SEMA5A: variants seen among roughly 807,000 people sequenced by gnomAD.
SEMA5A encodes the protein semaphorin 5A.
SEMA5A carries 55 observed loss-of-function variants against 135.5 expected under a neutral mutation model. That is an observed-to-expected ratio of 0.41 (90% CI 0.33 to 0.51). The LOEUF (loss-of-function observed/expected upper bound fraction) is 0.51, where lower values mean the gene tolerates loss of function less well. SEMA5A is among the 20% of genes least tolerant of loss of function. The pLI is 0.37. For synonymous variants in SEMA5A, 580 were observed against 546.5 expected (o/e 1.06, Z -0.85); for missense variants, 1,290 against 1,419.9 (o/e 0.91, Z 1.47).
chr5:9,356,876 T>G (rs951444094), intron 3 of SEMA5A, among the ~76,000 whole-genome samples: 4 of 152,172 alleles, frequency 2.6e-5, no homozygotes, highest in Admixed American at 1.3e-4. Flanking sequence ...TGTTGCTAGC[T>G]TTGTCTCTTC....
At position 9,328,567 on chromosome 5, in the gene SEMA5A, T is replaced by C. The variant is rs1752978671; in HGVS notation, c.224+9146A>G. 2.6e-5 allele frequency among the ~76,000 whole-genome samples: 4 copies of C among 152,032 alleles called. No individual in the cohort carries two copies. In the South Asian group the frequency reaches 8.3e-4, roughly 32 times the overall value. ...GCCAAGGTGGGTGGATCACTTGAGG[T>C]CAGGAGTTCGAGACCAGCCTGGCCA... On this transcript the variant is annotated intron_variant, in intron 4 of 22. Transcript: ENST00000382496.
intron 6 of SEMA5A, among the ~76,000 whole-genome samples, chr5:9,234,979 A>C (rs983418945): frequency 2.6e-5 from 4 of 152,194 alleles, no homozygotes; most frequent in East Asian, 1.9e-4. Context: ...TAAGCACCAA[A>C]CAACCAATGA....
intron 1 of SEMA5A, among the ~76,000 whole-genome samples, chr5:9,526,805 T>A (rs1737149083): frequency 6.6e-6 from 1 of 152,138 alleles, no homozygotes; most frequent in African/African-American, 2.4e-5. Flanking sequence ...ACTCAAGAAC[T>A]GGGAAAGCTA....
At chr5:9,503,566 A>C (rs1579646209) in intron 1 of SEMA5A, among the ~76,000 whole-genome samples, 1 of 152,346 alleles carries the variant, frequency 6.6e-6, no homozygotes, top group South Asian at 2.1e-4. Context: ...AATGGTTTCA[A>C]CTTCACATGG....
rs1011385196 is a variant in SEMA5A, at chr5:9,041,580, C to T, written c.*1317G>A. On this transcript the variant is annotated 3_prime_UTR_variant, in exon 23 of 23. Transcript: ENST00000382496. ...ACCACAGGGATCCCAAAAACCCTTA[C>T]TTCCAGCTATCCTGACTTCCCAAGG... is the stretch of plus-strand genomic sequence containing the variant. 6.6e-6 allele frequency: 1 copy of T among 152,270 alleles called. No homozygotes were observed. The highest frequency in any genetic ancestry group is 1.5e-5 in the Non-Finnish European group (1 of 68,076). The allele number at this position is 152,270 out of a possible 1,614,324, so 9.4% of individuals were successfully genotyped here. A position where few individuals can be genotyped will look rare whatever the true frequency, so the allele number is the denominator to read the frequency against.
At chr5:9,344,779 T>C (rs1181056886) in intron 3 of SEMA5A, among the ~76,000 whole-genome samples, 2 of 152,210 alleles carry the variant, frequency 1.3e-5, no homozygotes, top group African/African-American at 4.8e-5. Context: ...ATTTTTTATC[T>C]CCAAATATAT....
At chr5:9,108,892 T>TTAC (rs35742847) in intron 15 of SEMA5A, among the ~76,000 whole-genome samples, 17,535 of 152,026 alleles carry the variant, frequency 0.12, 1,531 homozygotes, top group East Asian at 0.32. Context: ...AAAGAATTGA[T>TTAC]TATACAATTT....
chr5:9,347,793 A>G lies in SEMA5A; in HGVS notation c.125-9981T>C, dbSNP rs1032727206. ...GACTTTCCAGACCTACCGTTTCTCT[A>G]AGCTAGATCGTCGTCACAAGATAAT... On this transcript the variant is annotated intron_variant, in intron 3 of 22. Transcript: ENST00000382496. 6.6e-5 allele frequency among the ~76,000 whole-genome samples: 10 copies of G among 152,170 alleles called. 1 individual carries two copies. Among genetic ancestry groups the G allele is most frequent in the African/African-American group, 2.4e-4 (10 of 41,436 alleles).
At chr5:9,373,871 A>G (rs1360105910) in intron 3 of SEMA5A, among the ~76,000 whole-genome samples, 1 of 152,238 alleles carries the variant, frequency 6.6e-6, no homozygotes, top group African/African-American at 2.4e-5. Flanking sequence ...TGCTCTCTAA[A>G]TAGCCAGCAT....
In SEMA5A at chr5:9,287,484, A is replaced by G. The variant is rs372366079; in HGVS notation, c.270+30888T>C. Among the ~76,000 whole-genome samples, 56 of 152,342 alleles carry G rather than the reference A, an allele frequency of 3.7e-4. No homozygotes were observed. The East Asian group carries it at 9.1e-3, about 25-fold the overall frequency. On this transcript the variant is annotated intron_variant, in intron 5 of 22. Coordinates refer to ENST00000382496, the MANE Select transcript of SEMA5A (RefSeq NM_003966.3). Reference sequence around the variant, plus strand: ...TTTCCCTAAATATGATTTAAATAATAATTTAAATGTCAAAAATATTTTAAT... The same window carrying G: ...TTTCCCTAAATATGATTTAAATAATGATTTAAATGTCAAAAATATTTTAAT...
At chr5:9,495,123 C>A (rs2126807968) in intron 1 of SEMA5A, among the ~76,000 whole-genome samples, 1 of 152,272 alleles carries the variant, frequency 6.6e-6, no homozygotes, top group African/African-American at 2.4e-5. Flanking sequence ...CCCTTTGAGG[C>A]TGCCATTATT....
chr5:9,197,027 A>G lies in SEMA5A; in HGVS notation c.1068+141T>C, dbSNP rs1007016246. On this transcript the variant is annotated intron_variant, in intron 10 of 22. Coordinates refer to ENST00000382496, the MANE Select transcript of SEMA5A (RefSeq NM_003966.3). Reference sequence around the variant, plus strand: ...GTCTATTGACATTAGCCAGCAGAGTATGGGGCTGTCCATGAGGGGCCAGGG... The same window carrying G: ...GTCTATTGACATTAGCCAGCAGAGTGTGGGGCTGTCCATGAGGGGCCAGGG... The G allele has an allele frequency of 5.1e-6, 6 of 1,179,924 alleles. No homozygotes were observed. The African/African-American group carries it at 9.2e-5, about 18-fold the overall frequency. 73.1% of individuals were successfully genotyped at this position (1,179,924 alleles called of 1,614,324 possible). A position where few individuals can be genotyped will look rare whatever the true frequency, so the allele number is the denominator to read the frequency against.
At chr5:9,175,638 A>G (rs1311929304) in intron 11 of SEMA5A, among the ~76,000 whole-genome samples, 1 of 152,134 alleles carries the variant, frequency 6.6e-6, no homozygotes, top group African/African-American at 2.4e-5. Context: ...CTCATGGAGC[A>G]CTTGCAAAAA....
rs138489620 is a variant in SEMA5A at position 9,275,684 on chromosome 5, C to A, written c.271-37794G>T. Reference sequence around the variant, plus strand: ...GGGATGCAGTCTGGTTCAACATACACAAATCAGTCAAGGTAATCCATCACA... The same window carrying A: ...GGGATGCAGTCTGGTTCAACATACAAAAATCAGTCAAGGTAATCCATCACA... On this transcript the variant is annotated intron_variant, in intron 5 of 22. Coordinates refer to ENST00000382496, the MANE Select transcript of SEMA5A (RefSeq NM_003966.3). Among the ~76,000 whole-genome samples, 1,207 of 152,270 alleles carry A rather than the reference C, an allele frequency of 7.9e-3. 12 individuals carry two copies. Among genetic ancestry groups the A allele is most frequent in the African/African-American group, 0.028 (1,150 of 41,552 alleles).
chr5:9,491,123 C>T (rs1206508375), intron 1 of SEMA5A, among the ~76,000 whole-genome samples: 1 of 151,978 alleles, frequency 6.6e-6, no homozygotes, highest in Non-Finnish European at 1.5e-5. Context: ...ACATTGTTCG[C>T]GATGTCCTCA....
In SEMA5A at chr5:9,283,037, C is replaced by T. The variant is rs752659140; in HGVS notation, c.270+35335G>A. Among the ~76,000 whole-genome samples the T allele has an allele frequency of 2.4e-4, 36 of 152,306 alleles. No homozygotes were observed. The Middle Eastern group carries it at 0.01, about 43-fold the overall frequency. ...GCACAGTAAGACCAATTTTGAACTTCTGGCATCCAAAACGGTAAGATAATC... is the reference window on the plus strand; with the variant it reads ...GCACAGTAAGACCAATTTTGAACTTTTGGCATCCAAAACGGTAAGATAATC... On this transcript the variant is annotated intron_variant, in intron 5 of 22. Transcript: ENST00000382496.
chr5:9,141,073 T>C (rs2150230164), intron 12 of SEMA5A, among the ~76,000 whole-genome samples: 1 of 152,334 alleles, frequency 6.6e-6, no homozygotes, highest in South Asian at 2.1e-4. Flanking sequence ...CAAACACAAA[T>C]GCCCATTCAA....
At chr5:9,441,636 T>C (rs1340937495) in intron 1 of SEMA5A, among the ~76,000 whole-genome samples, 2 of 152,072 alleles carry the variant, frequency 1.3e-5, no homozygotes, top group African/African-American at 4.8e-5. Flanking sequence ...TCTGGCCTCA[T>C]GCTCAAGTCC....
intron 16 of SEMA5A, among the ~76,000 whole-genome samples, chr5:9,075,796 C>T (rs1738020814): frequency 6.6e-6 from 1 of 152,102 alleles, no homozygotes; most frequent in Admixed American, 6.5e-5. Flanking sequence ...AAAATTTTAT[C>T]ATTTTAAACA....
Sources: allele counts gnomAD v4.1 joint callset (sites outside exome capture counted in the v4.1 genomes callset), GRCh38; gene constraint gnomAD v4.1.1; transcripts MANE v1.5; gene names NCBI Gene and HGNC (gene_info 2026-07-23, HGNC 2026-07-21).